Variants in CCDC30 observed in about 807,000 individuals in gnomAD.
CCDC30 encodes coiled-coil domain containing 30.
CCDC30 carries 70 observed loss-of-function variants against 100.2 expected under a neutral mutation model. The ratio of observed to expected loss-of-function variants is 0.70; its 90% confidence interval spans 0.58 to 0.85. CCDC30 has a LOEUF of 0.85. Ranked by LOEUF, CCDC30 falls within the 40% of genes least tolerant of loss-of-function variation. The pLI, the probability that CCDC30 is intolerant of heterozygous loss-of-function variation, is 0.00. For synonymous variants in CCDC30, 233 were observed against 269.5 expected, an observed-to-expected ratio of 0.86 and a Z score of 1.33; for missense variants, 652 against 771.2, an observed-to-expected ratio of 0.85 and a Z score of 1.83.
At chr1:42,482,912 A>G (rs776136406) in intron 3 of CCDC30, 96 bp downstream of exon 3, 35 of 859,460 alleles carry the variant, frequency 4.1e-5, no homozygotes, top group Non-Finnish European at 5.4e-5. Context: ...AACACTGAGA[A>G]ACAAGTCTTT....
rs533005005 is a variant in CCDC30 at position 42,649,940 on chromosome 1, T to C, written c.1855-3436T>C. ...AACTACAAAACTTTGATGAAATAAA[T>C]TGAAGAAAATACGATAAATGAAAAG... On this transcript the variant is annotated intron_variant, in intron 15 of 16. Transcript: ENST00000668663. Among the ~76,000 whole-genome samples the C allele has an allele frequency of 3.9e-5, 6 of 152,220 alleles. No individual in the cohort carries two copies. In the East Asian group the frequency reaches 1.2e-3, roughly 29 times the overall value.
intron 6 of CCDC30, among the ~76,000 whole-genome samples, chr1:42,520,270 G>GT (rs1644617365): frequency 1.1e-5 from 1 of 92,898 alleles, no homozygotes; most frequent in Non-Finnish European, 3.1e-5. Flanking sequence ...TGCTTTTTCT[G>GT]TATCTGTAAG....
intron 6 of CCDC30, among the ~76,000 whole-genome samples, chr1:42,556,852 G>A (rs542819373): frequency 1.4e-4 from 21 of 152,240 alleles, no homozygotes; most frequent in Non-Finnish European, 2.9e-4. Context: ...CAGGATTTGG[G>A]GATGGTAGGA....
chr1:42,570,455 A>C (rs756274201), intron 7 of CCDC30, among the ~76,000 whole-genome samples: 4 of 152,210 alleles, frequency 2.6e-5, no homozygotes, highest in Admixed American at 2.6e-4. Context: ...TGCATAAAAC[A>C]TACAGTTTAC....
chr1:42,581,462 A>G (rs760539985), exon 9 of CCDC30: 5 of 1,613,970 alleles, frequency 3.1e-6, no homozygotes, highest in Non-Finnish European at 4.2e-6. Context: ...AAAAGAAGCA[A>G]CACAAAATGA....
chr1:42,546,020 T>G (rs1645123516), intron 6 of CCDC30, among the ~76,000 whole-genome samples: 1 of 151,698 alleles, frequency 6.6e-6, no homozygotes, highest in African/African-American at 2.4e-5. Context: ...TTATAAGCAT[T>G]CTCCAAAAAG....
At chr1:42,494,515 T>G (rs1644198877) in intron 4 of CCDC30, among the ~76,000 whole-genome samples, 1 of 152,016 alleles carries the variant, frequency 6.6e-6, no homozygotes, top group African/African-American at 2.4e-5. Flanking sequence ...GGGATCTAAT[T>G]AAACTAAAGA....
chr1:42,532,409 CAT>C (rs1444143788), intron 6 of CCDC30, among the ~76,000 whole-genome samples: 1 of 152,188 alleles, frequency 6.6e-6, no homozygotes, highest in Non-Finnish European at 1.5e-5. Flanking sequence ...GTTCCTTACC[CAT>C]TTCTCTATGG....
chr1:42,619,816 T>C (rs1646797229), intron 11 of CCDC30, among the ~76,000 whole-genome samples: 1 of 152,210 alleles, frequency 6.6e-6, no homozygotes, highest in Admixed American at 6.5e-5. Context: ...CCTGCTCCCA[T>C]GAAAGACAAC....
chr1:42,632,278 G>A (rs1647052305), intron 11 of CCDC30, among the ~76,000 whole-genome samples: 1 of 152,116 alleles, frequency 6.6e-6, no homozygotes, highest in African/African-American at 2.4e-5. Flanking sequence ...CCTGGAAAGG[G>A]GGCCTCATTA....
At chr1:42,457,184 A>G in the CCDC30 span, 1 of 1,606,924 alleles carries the variant, frequency 6.2e-7, no homozygotes, top group Middle Eastern at 1.7e-4. Flanking sequence ...ACCCGAGTTG[A>G]GAAGGAGCTG....
chr1:42,641,701 T>C (rs1428340699), intron 12 of CCDC30, among the ~76,000 whole-genome samples: 1 of 151,970 alleles, frequency 6.6e-6, no homozygotes, highest in Non-Finnish European at 1.5e-5. Context: ...ACCCTGTCTC[T>C]ACTAAAAATA....
intron 6 of CCDC30, among the ~76,000 whole-genome samples, chr1:42,527,696 T>C (rs1393144951): frequency 2.0e-5 from 3 of 152,188 alleles, no homozygotes; most frequent in Admixed American, 6.5e-5. Context: ...GAATCTCTTA[T>C]GCAAATCTCA....
intron 6 of CCDC30, among the ~76,000 whole-genome samples, chr1:42,512,128 C>T (rs1644487864): frequency 6.6e-6 from 1 of 152,230 alleles, no homozygotes; most frequent in South Asian, 2.1e-4. Flanking sequence ...CCTCAAGGCA[C>T]AGATCGCTCA....
chr1:42,644,676 A>G lies in CCDC30; in HGVS notation c.1557-17A>G, dbSNP rs776783411. ...ACAGAAATCTCTAATCATGCCACTG[A>G]TTTATGCCATTCTTAGGGTACTTTA... On this transcript the variant is annotated splice_polypyrimidine_tract_variant and intron_variant, in intron 13 of 16. Coordinates refer to ENST00000668663, the Ensembl canonical transcript of CCDC30. 1.4e-5 allele frequency: 20 copies of G among 1,443,168 alleles called. No individual in the cohort carries two copies. The highest frequency in any genetic ancestry group is 1.7e-4 in the Middle Eastern group (1 of 5,780). 89.4% of individuals were successfully genotyped at this position (1,443,168 alleles called of 1,614,324 possible).
intron 1 of CCDC30, among the ~76,000 whole-genome samples, chr1:42,470,886 G>T (rs1451106776): frequency 1.3e-5 from 2 of 152,072 alleles, no homozygotes; most frequent in Admixed American, 6.6e-5. Context: ...TTGTGGTGAT[G>T]GTTAGACAAC....
the CCDC30 span, chr1:42,457,297 C>T: frequency 6.2e-7 from 1 of 1,614,192 alleles, no homozygotes; most frequent in Non-Finnish European, 8.5e-7. Context: ...TTTCTATGTT[C>T]CTGTCTCTGA....
At chr1:42,647,613 G>A (rs780102902) in intron 15 of CCDC30, among the ~76,000 whole-genome samples, 37 of 152,166 alleles carry the variant, frequency 2.4e-4, no homozygotes, top group Non-Finnish European at 4.3e-4. Flanking sequence ...CATACCCACT[G>A]TTGCAGAATA....
chr1:42,632,138 G>T (rs1173326681), intron 11 of CCDC30, among the ~76,000 whole-genome samples: 1 of 152,136 alleles, frequency 6.6e-6, no homozygotes, highest in Non-Finnish European at 1.5e-5. Flanking sequence ...TATAGTATCT[G>T]AGTATCGCTG....
Sources: gnomAD v4.1 joint callset for allele counts (sites outside exome capture counted in the v4.1 genomes callset) on GRCh38, gnomAD v4.1.1 for gene constraint, MANE v1.5 for transcripts, NCBI Gene and HGNC (gene_info 2026-07-23, HGNC 2026-07-21) for gene names.